The following ARSK variants were observed in gnomAD, a reference collection of about 807,000 sequenced individuals.
ARSK encodes the protein arylsulfatase K.
ARSK carries 37 observed loss-of-function variants against 53.2 expected under a neutral mutation model. That is an observed-to-expected ratio of 0.70 (90% CI 0.54 to 0.92). ARSK has a LOEUF of 0.92. Ranked by LOEUF, ARSK falls within the 40% of genes least tolerant of loss-of-function variation. ARSK has a pLI of 0.00. For synonymous variants in ARSK, 208 were observed against 223.2 expected, an observed-to-expected ratio of 0.93 and a Z score of 0.61; for missense variants, 613 against 643.0, an observed-to-expected ratio of 0.95 and a Z score of 0.51.
rs543569095 is a variant in ARSK, at chr5:95,585,084, T to C, written c.700-1478T>C. On this transcript the variant is annotated intron_variant, in intron 4 of 7. Coordinates refer to ENST00000380009, the MANE Select transcript of ARSK (RefSeq NM_198150.3). ...GGCCAACAAATATATGAGAAAAGGC[T>C]CAACATCACTAATGATCAGGGAAAT... Among the ~76,000 whole-genome samples the C allele has an allele frequency of 5.9e-4, 90 of 152,240 alleles. 2 individuals are homozygous for C. The highest frequency in any genetic ancestry group is 5.9e-4 in the Admixed American group (9 of 15,286).
In ARSK at chr5:95,591,633, A is replaced by C; in HGVS notation, c.1096+8A>C. ...TTTACCCTACCATGCTTGGTAAGTA[A>C]TGTAGTTCTGTAAATATTTATTTGT... On this transcript the variant is annotated splice_region_variant and intron_variant, in intron 6 of 7. Coordinates refer to ENST00000380009, the MANE Select transcript of ARSK (RefSeq NM_198150.3). 6.2e-7 allele frequency: 1 copy of C among 1,610,906 alleles called. No homozygotes were observed. Among genetic ancestry groups the C allele is most frequent in the Non-Finnish European group, 8.5e-7 (1 of 1,177,094 alleles).
intron 4 of ARSK, among the ~76,000 whole-genome samples, chr5:95,585,895 C>A (rs1749103650): frequency 6.6e-6 from 1 of 152,156 alleles, no homozygotes; most frequent in African/African-American, 2.4e-5. Context: ...GTTTTAGATA[C>A]TTTATATCTT....
intron 6 of ARSK, 22 bp from the exon 7 acceptor site, chr5:95,600,825 T>G (rs991755919): frequency 1.5e-5 from 24 of 1,579,010 alleles, no homozygotes; most frequent in Non-Finnish European, 1.9e-5. Context: ...TTTTAAGATA[T>G]TTGGTTATTT....
chr5:95,571,602 A>C lies in ARSK; in HGVS notation c.416+3553A>C, dbSNP rs139470833. On this transcript the variant is annotated intron_variant, in intron 3 of 7. Coordinates refer to ENST00000380009, the MANE Select transcript of ARSK (RefSeq NM_198150.3). Reference sequence around the variant, plus strand: ...TAGGAGTTCTTTCTTTGTCATGTGGAATTCTAAAATTAGTAGAGGAAAAAA... The same window carrying C: ...TAGGAGTTCTTTCTTTGTCATGTGGCATTCTAAAATTAGTAGAGGAAAAAA... 2.6e-3 allele frequency among the ~76,000 whole-genome samples: 399 copies of C among 152,276 alleles called. 1 individual carries two copies. Among genetic ancestry groups the C allele is most frequent in the Admixed American group, 3.9e-3 (60 of 15,298 alleles).
intron 3 of ARSK, among the ~76,000 whole-genome samples, chr5:95,577,328 G>T (rs1748941300): frequency 6.6e-6 from 1 of 152,198 alleles, no homozygotes; most frequent in South Asian, 2.1e-4. Flanking sequence ...AATGGTGAAT[G>T]TGATCTAAAC....
chr5:95,603,675 T>A lies in ARSK; in HGVS notation c.*149T>A. On this transcript the variant is annotated 3_prime_UTR_variant, in exon 8 of 8. Transcript: ENST00000380009. ...CTGTAATCCCAGGACTTTGGGAGGC[T>A]GAGGAAAGCAGATCACAAGGTCAAG... 2 of 617,824 alleles carry A rather than the reference T, an allele frequency of 3.2e-6. No homozygotes were observed. Among genetic ancestry groups the A allele is most frequent in the Non-Finnish European group, 5.0e-6 (2 of 399,502 alleles). The allele number at this position is 617,824 out of a possible 1,614,324, so 38.3% of individuals were successfully genotyped here. A position where few individuals can be genotyped will look rare whatever the true frequency, so the allele number is the denominator to read the frequency against.
In ARSK at chr5:95,586,670, A is replaced by G; in HGVS notation, c.808A>G (p.Lys270Glu). ...AAACTGCACTGGAAGATTTACAAAA[A>G]AAGAAATTAAGAATATTAGAGCATT... ...TKNCTGRFTKKEIKNIRAFYY... is the reference protein window; with the variant it reads ...TKNCTGRFTKEEIKNIRAFYY... Residue 270 changes from lysine to glutamate, a missense_variant, in exon 5 of 8, where the codon AAA becomes GAA. Coordinates refer to ENST00000380009, the MANE Select transcript of ARSK (RefSeq NM_198150.3). 6.2e-7 allele frequency: 1 copy of G among 1,612,180 alleles called. No individual in the cohort carries two copies. Among genetic ancestry groups the G allele is most frequent in the Admixed American group, 1.7e-5 (1 of 59,880 alleles).
rs11951564 is a variant in ARSK, at chr5:95,568,543, C to T, written c.416+494C>T. On this transcript the variant is annotated intron_variant, in intron 3 of 7. Transcript: ENST00000380009. ...GCTTTTGAATTATAGTTTCTGTTTA[C>T]TACTAGCATTGTAGTAGTCTGATCT... is the stretch of plus-strand genomic sequence containing the variant. Among the ~76,000 whole-genome samples, 1,158 of 152,256 alleles carry T rather than the reference C, an allele frequency of 7.6e-3. 16 individuals carry two copies. The highest frequency in any genetic ancestry group is 0.026 in the African/African-American group (1,087 of 41,534).
intron 4 of ARSK, among the ~76,000 whole-genome samples, chr5:95,584,680 A>T (rs890852882): frequency 6.6e-6 from 1 of 152,064 alleles, no homozygotes; most frequent in Non-Finnish European, 1.5e-5. Context: ...CCTACAAGAA[A>T]CTCAAACAGA....
At chr5:95,556,240 G>A (rs191240642) in intron 1 of ARSK, 2 of 702,112 alleles carry the variant, frequency 2.8e-6, no homozygotes, top group African/African-American at 3.5e-5. Context: ...TAGTCTGGAT[G>A]TGCCCATGGG....
At chr5:95,565,746 A>C (rs1748715117) in intron 1 of ARSK, among the ~76,000 whole-genome samples, 1 of 152,132 alleles carries the variant, frequency 6.6e-6, no homozygotes, top group African/African-American at 2.4e-5. Context: ...TCAGTTCATC[A>C]TCCCCCAAAA....
rs1476789382 is a variant in ARSK, at chr5:95,555,299, G to C, written c.21G>C (p.Ser7=). ...CGGCGATGCTACTGCTGTGGGTGTC[G>C]GTGGTCGCAGCCTTGGCGCTGGCGG... MLLLWV[S]VVAALALAVL... The change falls in exon 1 of 8, where the codon TCG becomes TCC. Residue 7 remains serine (S), a synonymous_variant. Transcript: ENST00000380009. This position sits in a 1 kb window ranked among gnomAD's most constrained non-coding sequence, Gnocchi z 4.0. 3 of 1,601,858 alleles carry C rather than the reference G, an allele frequency of 1.9e-6. No homozygotes were observed. Among genetic ancestry groups the C allele is most frequent in the African/African-American group, 1.3e-5 (1 of 74,800 alleles).
chr5:95,601,158 G>C, intron 7 of ARSK, 87 bp downstream of exon 7: 1 of 1,235,464 alleles, frequency 8.1e-7, no homozygotes, highest in Non-Finnish European at 1.2e-6. Flanking sequence ...AATAATCCTT[G>C]TTAAATAAAT....
chr5:95,555,292 G>T lies in ARSK; in HGVS notation c.14G>T (p.Trp5Leu). The change falls in exon 1 of 8, where the codon TGG becomes TTG. Residue 5 changes from tryptophan to leucine, a missense_variant. Transcript: ENST00000380009. This position sits in a 1 kb window ranked among gnomAD's most constrained non-coding sequence, Gnocchi z 4.0. The part of the protein sequence containing the change: MLLL[W>L]VSVVAALALA... ...CCGCTACCGGCGATGCTACTGCTGT[G>T]GGTGTCGGTGGTCGCAGCCTTGGCG... 6.2e-7 allele frequency: 1 copy of T among 1,600,880 alleles called. No homozygotes were observed. The highest frequency in any genetic ancestry group is 1.1e-5 in the South Asian group (1 of 90,690).
intron 6 of ARSK, among the ~76,000 whole-genome samples, chr5:95,592,331 T>G (rs1341967727): frequency 6.6e-6 from 1 of 152,136 alleles, no homozygotes; most frequent in Non-Finnish European, 1.5e-5. Flanking sequence ...ATAGCACAAG[T>G]TATGTTCTCT....
chr5:95,602,153 G>C (rs1433634889), intron 7 of ARSK, among the ~76,000 whole-genome samples: 2 of 152,096 alleles, frequency 1.3e-5, no homozygotes, highest in Non-Finnish European at 2.9e-5. Context: ...TGACGAATCT[G>C]CTTTTTGTTC....
At position 95,563,462 on chromosome 5, in the gene ARSK, C is replaced by T. The variant is rs187855849; in HGVS notation, c.127-2536C>T. Among the ~76,000 whole-genome samples, 241 of 152,312 alleles carry T rather than the reference C, an allele frequency of 1.6e-3. 3 individuals carry two copies. The highest frequency in any genetic ancestry group is 5.7e-3 in the African/African-American group (235 of 41,562). ...CTCAGACAGCAATCTTAACATAGAT[C>T]ACCTTTCACTGATGGAATCGTTGGG... On this transcript the variant is annotated intron_variant, in intron 1 of 7. Coordinates refer to ENST00000380009, the MANE Select transcript of ARSK (RefSeq NM_198150.3).
intron 5 of ARSK, among the ~76,000 whole-genome samples, chr5:95,588,894 G>A (rs887546342): frequency 2.6e-5 from 4 of 152,018 alleles, no homozygotes; most frequent in Admixed American, 6.6e-5. Context: ...CCCGGGAGGC[G>A]GAGGTTGCAG....
At chr5:95,591,063 A>G (rs1453204879) in intron 5 of ARSK, among the ~76,000 whole-genome samples, 5 of 152,108 alleles carry the variant, frequency 3.3e-5, no homozygotes, top group African/African-American at 9.7e-5. Flanking sequence ...CTCATATCCA[A>G]CTGATCTTTC....
Sources: allele counts gnomAD v4.1 joint callset (sites outside exome capture counted in the v4.1 genomes callset), GRCh38; gene constraint gnomAD v4.1.1; non-coding constraint Gnocchi (gnomAD v3.1); transcripts MANE v1.5; gene names NCBI Gene and HGNC (gene_info 2026-07-23, HGNC 2026-07-21).